Variants in LTF observed in about 807,000 individuals in gnomAD.
The protein encoded by LTF is epididymis luminal protein 110.
Under a neutral mutation model 87.2 loss-of-function variants are expected in LTF, and 91 were observed. That is an observed-to-expected ratio of 1.04 (90% CI 0.88 to 1.24). The LOEUF (loss-of-function observed/expected upper bound fraction) is 1.24, where lower values mean the gene tolerates loss of function less well. Ranked by LOEUF, LTF falls within the 50% of genes most tolerant of loss-of-function variation. The pLI, the probability that LTF is intolerant of heterozygous loss-of-function variation, is 0.00. For synonymous variants in LTF, 378 were observed against 356.1 expected (o/e 1.06, Z -0.69); for missense variants, 901 against 904.3 (o/e 1.00, Z 0.05).
intron 1 of LTF, among the ~76,000 whole-genome samples, chr3:46,482,568 G>GGGAAA (rs1559614604): frequency 5.3e-5 from 6 of 113,824 alleles, no homozygotes; most frequent in Admixed American, 9.3e-5. Context: ...GGGAAGGGAA[G>GGGAAA]GGAAAGGAAA....
rs1559614594 is a variant in LTF, at chr3:46,482,563, GGGA to G, written c.-320+2420_-320+2422del. ...GGGAAGGGAAGGGAAGGGAAGGGAA[GGGA>G]AGGGAAAGGAAAGGAAGGGAGAAAG... On this transcript the variant is annotated intron_variant, in intron 1 of 19. Transcript: ENST00000443496. Among the ~76,000 whole-genome samples the G allele has an allele frequency of 9.9e-4, 91 of 91,704 alleles. 11 individuals are homozygous for G. The highest frequency in any genetic ancestry group is 2.7e-3 in the Admixed American group (23 of 8,480). The allele number at this position is 91,704 out of a possible 152,430, so 60.2% of individuals were successfully genotyped here. A position where few individuals can be genotyped will look rare whatever the true frequency, so the allele number is the denominator to read the frequency against.
intron 9 of LTF, 144 bp downstream of exon 9, chr3:46,448,719 T>C: frequency 4.5e-6 from 4 of 892,604 alleles, no homozygotes; most frequent in Non-Finnish European, 4.9e-6. Flanking sequence ...AAATGCTTTC[T>C]GGCCCTGAGC....
In LTF at chr3:46,446,436, T is replaced by G. The variant is rs2106851512; in HGVS notation, c.1357+4A>C. 6.2e-7 allele frequency: 1 copy of G among 1,612,294 alleles called. No homozygotes were observed. Among genetic ancestry groups the G allele is most frequent in the East Asian group, 2.2e-5 (1 of 44,850 alleles). The stretch of plus-strand genomic sequence containing the variant: ...GACCCTGAAAGTGGCTAATGCCAAC[T>G]CACCTTCCACAGGTCTATCCACACA... On this transcript the variant is annotated splice_donor_region_variant and intron_variant, in intron 11 of 16. Transcript: ENST00000231751.
intron 14 of LTF, among the ~76,000 whole-genome samples, chr3:46,440,633 C>T (rs1207748660): frequency 6.6e-6 from 1 of 152,130 alleles, no homozygotes; most frequent in Admixed American, 6.6e-5. Flanking sequence ...TTCAAATTTA[C>T]ATGTCTTGTT....
chr3:46,453,649 G>A (rs1009430740), intron 6 of LTF, among the ~76,000 whole-genome samples: 2 of 152,112 alleles, frequency 1.3e-5, no homozygotes, highest in African/African-American at 2.4e-5. Context: ...GAAATGTAGT[G>A]AGCTTATGTC....
chr3:46,445,248 T>A, intron 12 of LTF, 33 bp downstream of exon 12: 1 of 1,579,780 alleles, frequency 6.3e-7, no homozygotes, highest in Non-Finnish European at 8.6e-7. Flanking sequence ...CCCTCCAGGG[T>A]GGCCCACCCA....
At chr3:46,441,625 A>T in intron 13 of LTF, 142 bp from the exon 14 acceptor site, 4 of 650,002 alleles carry the variant, frequency 6.2e-6, no homozygotes, top group South Asian at 6.1e-5. Flanking sequence ...TTTACTGTTT[A>T]CAGCGGCAGA....
At chr3:46,449,812 A>C (rs202085912) in intron 8 of LTF, 42 bp downstream of exon 8, 2 of 1,608,678 alleles carry the variant, frequency 1.2e-6, no homozygotes, top group Non-Finnish European at 1.7e-6. Flanking sequence ...GAAGTAGAAG[A>C]CCACACCAGG....
upstream of LTF, chr3:46,465,069 C>T (rs1171433527): frequency 4.9e-6 from 3 of 608,706 alleles, no homozygotes; most frequent in South Asian, 1.9e-5. Flanking sequence ...CACCGCGCTG[C>T]GAGAGGAAAG....
In LTF at chr3:46,477,962, G is replaced by A. The variant is rs543146546; in HGVS notation, c.-320+7024C>T. 7.9e-5 allele frequency among the ~76,000 whole-genome samples: 12 copies of A among 152,188 alleles called. No individual in the cohort carries two copies. In the South Asian group the frequency reaches 1.0e-3, roughly 13 times the overall value. ...CTACAGGGAGGACAGAGGGCCGAGCGGGAGCCACTTTCCCCAGTCTTCCTT... is the reference window on the plus strand; with the variant it reads ...CTACAGGGAGGACAGAGGGCCGAGCAGGAGCCACTTTCCCCAGTCTTCCTT... On this transcript the variant is annotated intron_variant, in intron 1 of 19. Transcript: ENST00000443496.
At chr3:46,483,888 T>C (rs1000544892) in intron 1 of LTF, among the ~76,000 whole-genome samples, 9 of 152,278 alleles carry the variant, frequency 5.9e-5, no homozygotes, top group African/African-American at 1.2e-4. Flanking sequence ...GCAATCCTCC[T>C]GCCTATGCCT....
intron 3 of LTF, 44 bp downstream of exon 3, chr3:46,456,246 A>G: frequency 6.6e-7 from 1 of 1,514,420 alleles, no homozygotes; most frequent in Non-Finnish European, 9.2e-7. Context: ...CTCAGGGCAC[A>G]GGCTGAGGCC....
In LTF at chr3:46,450,645, G is replaced by A. The variant is rs141357150; in HGVS notation, c.732C>T (p.Asp244=). 2.6e-4 allele frequency: 416 copies of A among 1,613,268 alleles called. 1 individual carries two copies. Among genetic ancestry groups the A allele is most frequent in the African/African-American group, 3.1e-4 (23 of 75,012 alleles). Reference sequence around the variant, plus strand: ...TGTCTGGGCAGAGTAACTCATACTCGTCCCTTTCAGCCTCGTCTGACAGGT... The same window carrying A: ...TGTCTGGGCAGAGTAACTCATACTCATCCCTTTCAGCCTCGTCTGACAGGT... ...FEDLSDEAER[D]EYELLCPDNT... Residue 244 remains aspartate, a synonymous_variant, in exon 7 of 17, where the codon GAC becomes GAT. Transcript: ENST00000231751.
intron 6 of LTF, chr3:46,454,076 G>A (rs1702865127): frequency 3.6e-6 from 2 of 548,672 alleles, no homozygotes; most frequent in African/African-American, 3.8e-5. Context: ...GCATTGCCAA[G>A]CACCTAGGCA....
Position 46,436,309 on chromosome 3 carries a change from G to T in LTF, c.2099-80C>A. On this transcript the variant is annotated intron_variant, in intron 16 of 16. Transcript: ENST00000231751. ...GTTATTTAATCCAATAAATCAAAGAGAATACTAAGAGTTTTCTCTGCCCTT... is the reference window on the plus strand; with the variant it reads ...GTTATTTAATCCAATAAATCAAAGATAATACTAAGAGTTTTCTCTGCCCTT... The T allele has an allele frequency of 6.1e-6, 8 of 1,311,760 alleles. No individual in the cohort carries two copies. In the South Asian group the frequency reaches 7.1e-5, roughly 12 times the overall value. The allele number at this position is 1,311,760 out of a possible 1,614,324, so 81.3% of individuals were successfully genotyped here.
chr3:46,447,269 C>T (rs1702677809), intron 10 of LTF, 39 bp downstream of exon 10: 1 of 1,504,302 alleles, frequency 6.6e-7, no homozygotes, highest in African/African-American at 1.4e-5. Flanking sequence ...ACTCCCATGA[C>T]CCAGAGGGAA....
At chr3:46,437,014 C>T (rs1302938609) in intron 16 of LTF, among the ~76,000 whole-genome samples, 2 of 152,200 alleles carry the variant, frequency 1.3e-5, no homozygotes, top group Non-Finnish European at 2.9e-5. Flanking sequence ...TTGAAAACTA[C>T]CGATAAAGAC....
chr3:46,482,757 AAG>A (rs1474303192), intron 1 of LTF, among the ~76,000 whole-genome samples: 54 of 142,402 alleles, frequency 3.8e-4, no homozygotes, highest in Non-Finnish European at 5.0e-4. Context: ...GAAAGAAGGA[AAG>A]AGAAAGAAAG....
At chr3:46,472,519 TGTGTGTGTGA>T (rs1325927907) in intron 1 of LTF, among the ~76,000 whole-genome samples, 163 of 149,356 alleles carry the variant, frequency 1.1e-3, no homozygotes, top group African/African-American at 3.7e-3. Context: ...TGTGTGTGTG[TGTGTGTGTGA>T]GAGAGAGAGA....
Sources: allele counts gnomAD v4.1 joint callset (sites outside exome capture counted in the v4.1 genomes callset), GRCh38; gene constraint gnomAD v4.1.1; transcripts MANE v1.5; gene names NCBI Gene and HGNC (gene_info 2026-07-23, HGNC 2026-07-21).